ACVR2B: variants seen among roughly 807,000 people sequenced by gnomAD.
ACVR2B encodes the protein activin receptor type-2B.
In ACVR2B, 18 loss-of-function variants were observed where a neutral mutation model predicts 65.1. That is an observed-to-expected ratio of 0.28 (90% confidence interval 0.19 to 0.41). The LOEUF (loss-of-function observed/expected upper bound fraction) is 0.41, where lower values mean the gene tolerates loss of function less well. Ranked by LOEUF, ACVR2B falls within the 10% of genes least tolerant of loss-of-function variation. ACVR2B has a pLI of 1.00. For missense variants in ACVR2B, 482 were observed against 682.7 expected (o/e 0.71, Z 3.28); for synonymous variants, 298 against 277.7 (o/e 1.07, Z -0.73).
chr3:38,467,385 G>A (rs1450209589), intron 1 of ACVR2B, among the ~76,000 whole-genome samples: 1 of 151,822 alleles, frequency 6.6e-6, no homozygotes, highest in African/African-American at 2.4e-5. Flanking sequence ...GGAAGTTTCG[G>A]TGAGCTGAGA....
chr3:38,454,215 G>A lies in ACVR2B; in HGVS notation c.-108G>A, dbSNP rs1709500924. On this transcript the variant is annotated 5_prime_UTR_variant, in exon 1 of 11. Transcript: ENST00000352511. The stretch of plus-strand genomic sequence containing the variant: ...AAGCGCGCAGGGAACGAGACCGAAG[G>A]AAGGAGCGGGAAGGAGAGCGCAGCC... The A allele has an allele frequency of 1.6e-5, 13 of 804,730 alleles. No homozygotes were observed. The highest frequency in any genetic ancestry group is 1.9e-5 in the Non-Finnish European group (12 of 623,880). 49.8% of individuals were successfully genotyped at this position (804,730 alleles called of 1,614,324 possible). A position where few individuals can be genotyped will look rare whatever the true frequency, so the allele number is the denominator to read the frequency against.
rs770416991 is a variant in ACVR2B, at chr3:38,481,508, G to A, written c.1074+43G>A. The A allele has an allele frequency of 6.4e-7, 1 of 1,551,498 alleles. No individual in the cohort carries two copies. Among genetic ancestry groups the A allele is most frequent in the Non-Finnish European group, 8.9e-7 (1 of 1,123,478 alleles). On this transcript the variant is annotated intron_variant, in intron 8 of 10. Coordinates refer to ENST00000352511, the MANE Select transcript of ACVR2B (RefSeq NM_001106.4). The surrounding 1 kb of genome is among the most constrained non-coding windows in gnomAD (Gnocchi z 4.7). Reference sequence around the variant, plus strand: ...GCAGGAAGAGAGGGACAGACCCAGGGTAGATACTTTGCCCTTTTTGTGCTC... The same window carrying A: ...GCAGGAAGAGAGGGACAGACCCAGGATAGATACTTTGCCCTTTTTGTGCTC...
chr3:38,465,322 T>C (rs1709709931), intron 1 of ACVR2B, among the ~76,000 whole-genome samples: 1 of 144,366 alleles, frequency 6.9e-6, no homozygotes, highest in Admixed American at 7.4e-5. Flanking sequence ...TGCTTGAATC[T>C]GGGAGGCAGA....
In ACVR2B at chr3:38,477,330, C is replaced by T. The variant is rs774212458; in HGVS notation, c.96C>T (p.Tyr32=). Residue 32 remains tyrosine, a synonymous_variant, in exon 2 of 11, where the codon TAC becomes TAT. Coordinates refer to ENST00000352511, the MANE Select transcript of ACVR2B (RefSeq NM_001106.4). This position sits in a 1 kb window ranked among gnomAD's most constrained non-coding sequence, Gnocchi z 6.7. The part of the protein sequence containing the change: ...GEAETRECIY[Y]NANWELERTN... ...CTGAGACACGGGAGTGCATCTACTA[C>T]AACGCCAACTGGGAGCTGGAGCGCA... The T allele has an allele frequency of 1.2e-6, 2 of 1,614,168 alleles. No individual in the cohort carries two copies. The highest frequency in any genetic ancestry group is 1.3e-5 in the African/African-American group (1 of 75,040).
At chr3:38,474,884 T>TA (rs1184047880) in intron 1 of ACVR2B, 1 of 152,204 alleles carries the variant, frequency 6.6e-6, no homozygotes, top group Non-Finnish European at 1.5e-5. Flanking sequence ...ACTTCCGACT[T>TA]ACGCTAAGCC....
rs2059821819 is a variant in ACVR2B at position 38,492,785 on chromosome 3, C to G, written c.*9453C>G. The G allele has an allele frequency of 1.9e-5, 1 of 52,846 alleles. No homozygotes were observed. The allele number at this position is 52,846 out of a possible 1,614,324, so 3.3% of individuals were successfully genotyped here. On this transcript the variant is annotated 3_prime_UTR_variant, in exon 11 of 11. Coordinates refer to ENST00000352511, the MANE Select transcript of ACVR2B (RefSeq NM_001106.4). ...ACACACACACACACACACACACACA[C>G]ACACACACACACACACACATACACC...
In ACVR2B at chr3:38,482,232, T is replaced by C. The variant is rs1190372339; in HGVS notation, c.1109T>C (p.Leu370Pro). The change falls in exon 9 of 11, where the codon CTC becomes CCC. Residue 370 changes from leucine to proline, a missense_variant. Leu to Pro is a moderately conservative substitution (Grantham distance 98, BLOSUM62 -3). This residue lies in a region of ACVR2B where 223 missense variants were observed against 386.3 expected (regional missense o/e 0.58). Coordinates refer to ENST00000352511, the MANE Select transcript of ACVR2B (RefSeq NM_001106.4). The stretch of plus-strand genomic sequence containing the variant: ...AGACGGTACATGGCTCCTGAGGTGC[T>C]CGAGGGAGCCATCAACTTCCAGAGA... ...GTRRYMAPEV[L>P]EGAINFQRDA... 6.2e-7 allele frequency: 1 copy of C among 1,613,596 alleles called. No homozygotes were observed. The highest frequency in any genetic ancestry group is 8.5e-7 in the Non-Finnish European group (1 of 1,179,942).
In ACVR2B at chr3:38,481,435, A is replaced by G; in HGVS notation, c.1044A>G (p.Pro348=). ...TTGGCTTGGCTGTTCGATTTGAGCC[A>G]GGGAAACCTCCAGGGGACACCCACG... ...ADFGLAVRFE[P]GKPPGDTHGQ... The change falls in exon 8 of 11, where the codon CCA becomes CCG. Residue 348 remains proline (P), a synonymous_variant. Coordinates refer to ENST00000352511, the MANE Select transcript of ACVR2B (RefSeq NM_001106.4). This position sits in a 1 kb window ranked among gnomAD's most constrained non-coding sequence, Gnocchi z 4.7. 1.2e-6 allele frequency: 2 copies of G among 1,614,242 alleles called. No individual in the cohort carries two copies. Among genetic ancestry groups the G allele is most frequent in the Non-Finnish European group, 1.7e-6 (2 of 1,180,034 alleles).
At chr3:38,466,917 TAATA>T (rs965822493) in intron 1 of ACVR2B, among the ~76,000 whole-genome samples, 2 of 152,208 alleles carry the variant, frequency 1.3e-5, no homozygotes, top group African/African-American at 4.8e-5. Flanking sequence ...GCAATGAAAA[TAATA>T]AATATTCGGG....
chr3:38,472,036 T>G (rs987318375), intron 1 of ACVR2B, among the ~76,000 whole-genome samples: 4 of 152,178 alleles, frequency 2.6e-5, no homozygotes, highest in African/African-American at 7.2e-5. Context: ...ATATTTTGGG[T>G]TTTTTTCTCC....
At chr3:38,468,733 G>A (rs1709772926) in intron 1 of ACVR2B, among the ~76,000 whole-genome samples, 1 of 152,198 alleles carries the variant, frequency 6.6e-6, no homozygotes, top group African/African-American at 2.4e-5. Flanking sequence ...GAGTCTGTGT[G>A]ATCAGTTACC....
chr3:38,467,222 C>T (rs745865747), intron 1 of ACVR2B, among the ~76,000 whole-genome samples: 3 of 152,036 alleles, frequency 2.0e-5, no homozygotes, highest in African/African-American at 7.2e-5. Flanking sequence ...CTGAGGTGGG[C>T]GGATAACCTG....
At chr3:38,454,910 G>A (rs1002468614) in intron 1 of ACVR2B, 7 of 152,292 alleles carry the variant, frequency 4.6e-5, no homozygotes, top group African/African-American at 1.7e-4. Flanking sequence ...CGGGCTGTTG[G>A]TGCTGGCTCC....
At chr3:38,460,983 A>T (rs1021216673) in intron 1 of ACVR2B, among the ~76,000 whole-genome samples, 3 of 152,212 alleles carry the variant, frequency 2.0e-5, no homozygotes, top group African/African-American at 7.2e-5. Flanking sequence ...GGATGGGATG[A>T]GACCAGCTGT....
intron 1 of ACVR2B, among the ~76,000 whole-genome samples, chr3:38,460,113 A>T (rs1027689008): frequency 1.3e-5 from 2 of 152,072 alleles, no homozygotes; most frequent in Admixed American, 6.5e-5. Context: ...TGAGGTTCAG[A>T]CTTCCTAGTT....
chr3:38,477,829 T>G lies in ACVR2B; in HGVS notation c.261-32T>G. On this transcript the variant is annotated intron_variant, in intron 2 of 10. Coordinates refer to ENST00000352511, the MANE Select transcript of ACVR2B (RefSeq NM_001106.4). This position sits in a 1 kb window ranked among gnomAD's most constrained non-coding sequence, Gnocchi z 6.7. ...CTGGGGGAGTCTTGCATCCCCCAGG[T>G]GAGGGGTATATGGAAAATTCTGTGC... The G allele has an allele frequency of 6.2e-7, 1 of 1,602,808 alleles. No individual in the cohort carries two copies. The highest frequency in any genetic ancestry group is 8.5e-7 in the Non-Finnish European group (1 of 1,170,290).
chr3:38,454,318 G>A lies in ACVR2B; in HGVS notation c.-5G>A, dbSNP rs1223167645. On this transcript the variant is annotated 5_prime_UTR_variant, in exon 1 of 11. Coordinates refer to ENST00000352511, the MANE Select transcript of ACVR2B (RefSeq NM_001106.4). ...CCGGGTGTGCGCGGGGCGGCGCCGCGGAACATGACGGCGCCCTGGGTGGCC... is the reference window on the plus strand; with the variant it reads ...CCGGGTGTGCGCGGGGCGGCGCCGCAGAACATGACGGCGCCCTGGGTGGCC... The A allele has an allele frequency of 1.5e-6, 2 of 1,292,428 alleles. No individual in the cohort carries two copies. Among genetic ancestry groups the A allele is most frequent in the Non-Finnish European group, 2.0e-6 (2 of 1,019,968 alleles). 80.1% of individuals were successfully genotyped at this position (1,292,428 alleles called of 1,614,324 possible). A position where few individuals can be genotyped will look rare whatever the true frequency, so the allele number is the denominator to read the frequency against.
Position 38,479,764 on chromosome 3 carries a change from A to T in ACVR2B, c.897A>T (p.Ser299=). 1 of 1,614,252 alleles carries T rather than the reference A, an allele frequency of 6.2e-7. No homozygotes were observed. The highest frequency in any genetic ancestry group is 8.5e-7 in the Non-Finnish European group (1 of 1,180,040). ...HVAETMSRGL[S]YLHEDVPWCR... is the part of the protein sequence containing the mutation. Reference sequence around the variant, plus strand: ...CAGAGACGATGTCACGAGGCCTCTCATACCTGCATGAGGATGTGCCCTGGT... The same window carrying T: ...CAGAGACGATGTCACGAGGCCTCTCTTACCTGCATGAGGATGTGCCCTGGT... Residue 299 remains serine, a synonymous_variant, in exon 7 of 11, where the codon TCA becomes TCT. Coordinates refer to ENST00000352511, the MANE Select transcript of ACVR2B (RefSeq NM_001106.4).
chr3:38,458,315 T>G (rs776956125), intron 1 of ACVR2B, among the ~76,000 whole-genome samples: 7 of 152,178 alleles, frequency 4.6e-5, no homozygotes, highest in African/African-American at 1.7e-4. Flanking sequence ...TGATGAAAGC[T>G]GTGGACCCTT....
Sources: gnomAD v4.1 joint callset for allele counts (sites outside exome capture counted in the v4.1 genomes callset) on GRCh38, gnomAD v4.1.1 for gene constraint, gnomAD v4.1.1 regional missense constraint, Gnocchi (gnomAD v3.1) non-coding constraint, MANE v1.5 for transcripts, NCBI Gene and HGNC (gene_info 2026-07-23, HGNC 2026-07-21) for gene names.